NLGN1: variants seen among roughly 807,000 people sequenced by gnomAD.
NLGN1 encodes neuroligin 1, also known as neuroligin-1.
NLGN1 carries 12 observed loss-of-function variants against 65.5 expected under a neutral mutation model. The ratio of observed to expected loss-of-function variants is 0.18; its 90% CI spans 0.12 to 0.30. NLGN1 has a LOEUF of 0.30. Among genes scored for constraint, NLGN1 ranks in the 10% least tolerant of loss-of-function variants. NLGN1 has a pLI of 1.00. For synonymous variants in NLGN1, 350 were observed against 359.5 expected, an observed-to-expected ratio of 0.97 and a Z score of 0.30; for missense variants, 750 against 1,007.1, an observed-to-expected ratio of 0.74 and a Z score of 3.46.
At chr3:173,495,690 A>AAC (rs1553867056) in intron 2 of NLGN1, among the ~76,000 whole-genome samples, 1 of 150,456 alleles carries the variant, frequency 6.6e-6, no homozygotes, top group Non-Finnish European at 1.5e-5. Context: ...GAAAAAAAAA[A>AAC]AAAAAAACTC....
chr3:173,550,694 C>A (rs1740697904), intron 2 of NLGN1, among the ~76,000 whole-genome samples: 1 of 38,622 alleles, frequency 2.6e-5, no homozygotes, highest in Non-Finnish European at 4.8e-5. Context: ...ACTAAACCTG[C>A]AATGTCTTTT....
chr3:174,209,431 C>T (rs921745815), intron 4 of NLGN1, among the ~76,000 whole-genome samples: 2 of 151,956 alleles, frequency 1.3e-5, no homozygotes, highest in South Asian at 2.1e-4. Context: ...ATATTCATCC[C>T]GTATTTTCCA....
chr3:174,101,162 A>G (rs1055105788), intron 4 of NLGN1, among the ~76,000 whole-genome samples: 36 of 152,136 alleles, frequency 2.4e-4, no homozygotes, highest in Admixed American at 1.6e-3. Context: ...TTTAAATTCA[A>G]CCATGCAAGT....
At chr3:174,147,603 T>C (rs983892777) in intron 4 of NLGN1, among the ~76,000 whole-genome samples, 11 of 151,512 alleles carry the variant, frequency 7.3e-5, no homozygotes, top group Non-Finnish European at 1.5e-4. Context: ...CCGGCTAATT[T>C]CTTTATATTT....
chr3:173,760,736 C>T (rs1048486691), intron 3 of NLGN1, among the ~76,000 whole-genome samples: 3 of 151,838 alleles, frequency 2.0e-5, no homozygotes, highest in African/African-American at 7.3e-5. Context: ...TAATATTAAA[C>T]CAAATGAGAG....
At chr3:173,560,154 A>G (rs535473046) in intron 2 of NLGN1, among the ~76,000 whole-genome samples, 1 of 151,988 alleles carries the variant, frequency 6.6e-6, no homozygotes, top group Non-Finnish European at 1.5e-5. Flanking sequence ...CGCGGTCTCG[A>G]TCTCCTGACC....
chr3:174,234,844 A>G (rs768998644), intron 4 of NLGN1, among the ~76,000 whole-genome samples: 21 of 152,120 alleles, frequency 1.4e-4, no homozygotes, highest in Non-Finnish European at 3.1e-4. Context: ...AAACAAAATT[A>G]TATAGTTTAT....
chr3:173,617,318 G>A (rs891515131), intron 3 of NLGN1, among the ~76,000 whole-genome samples: 2 of 152,054 alleles, frequency 1.3e-5, no homozygotes, highest in Admixed American at 1.3e-4. Context: ...CTCTCTCACT[G>A]CCCCAGAAGA....
chr3:173,755,188 A>G (rs1776913506), intron 3 of NLGN1, among the ~76,000 whole-genome samples: 1 of 152,074 alleles, frequency 6.6e-6, no homozygotes, highest in African/African-American at 2.4e-5. Context: ...TTTTTTTACA[A>G]AAATTAGAGC....
At chr3:173,969,470 G>A (rs1436581448) in intron 4 of NLGN1, among the ~76,000 whole-genome samples, 3 of 151,800 alleles carry the variant, frequency 2.0e-5, no homozygotes, top group Admixed American at 6.6e-5. Flanking sequence ...ATTAAATATC[G>A]CTAGTAAATA....
downstream of NLGN1, among the ~76,000 whole-genome samples, chr3:174,290,280 GA>G (rs1490314422): frequency 4.6e-5 from 7 of 150,734 alleles, no homozygotes; most frequent in Admixed American, 1.3e-4. Flanking sequence ...TCAATTCAGA[GA>G]CAGACCAGTG....
At chr3:173,924,922 T>C (rs906264291) in intron 4 of NLGN1, among the ~76,000 whole-genome samples, 6 of 152,184 alleles carry the variant, frequency 3.9e-5, no homozygotes, top group African/African-American at 1.2e-4. Context: ...TTTACTTAAA[T>C]TTTAATCTAG....
intron 2 of NLGN1, among the ~76,000 whole-genome samples, chr3:173,484,277 A>T (rs1727791262): frequency 6.6e-6 from 1 of 151,364 alleles, no homozygotes; most frequent in South Asian, 2.1e-4. Flanking sequence ...ACAAAATCAC[A>T]TCCAAATGGA....
chr3:174,205,208 A>G (rs1230907542), intron 4 of NLGN1, among the ~76,000 whole-genome samples: 1 of 152,152 alleles, frequency 6.6e-6, no homozygotes, highest in Non-Finnish European at 1.5e-5. Context: ...TCCTCTTAAG[A>G]AAATTTAGAT....
chr3:173,663,488 G>A (rs1761244374), intron 3 of NLGN1, among the ~76,000 whole-genome samples: 1 of 151,828 alleles, frequency 6.6e-6, no homozygotes, highest in African/African-American at 2.4e-5. Context: ...AATATATATG[G>A]GAAAACACAT....
chr3:173,977,117 A>C (rs1242138165), intron 4 of NLGN1, among the ~76,000 whole-genome samples: 1 of 150,132 alleles, frequency 6.7e-6, no homozygotes, highest in East Asian at 1.9e-4. Context: ...GCACACACAC[A>C]CACACGCACA....
intron 3 of NLGN1, among the ~76,000 whole-genome samples, chr3:173,690,982 A>G (rs1346045333): frequency 6.6e-6 from 1 of 152,168 alleles, no homozygotes; most frequent in Non-Finnish European, 1.5e-5. Flanking sequence ...GGGTGAACAC[A>G]GTTCTAGGTA....
intron 3 of NLGN1, among the ~76,000 whole-genome samples, chr3:173,798,237 G>A (rs1714604331): frequency 6.6e-6 from 1 of 152,126 alleles, no homozygotes; most frequent in Admixed American, 6.6e-5. Context: ...AAAGTAGATA[G>A]TGGTTTTGGC....
At chr3:173,816,973 G>A (rs753294630) in intron 4 of NLGN1, among the ~76,000 whole-genome samples, 2 of 152,138 alleles carry the variant, frequency 1.3e-5, no homozygotes, top group Non-Finnish European at 2.9e-5. Flanking sequence ...GTTTATATTG[G>A]TATTGTTCAT....
Sources: gnomAD v4.1 joint callset for allele counts (sites outside exome capture counted in the v4.1 genomes callset) on GRCh38, gnomAD v4.1.1 for gene constraint, MANE v1.5 for transcripts, NCBI Gene and HGNC (gene_info 2026-07-23, HGNC 2026-07-21) for gene names.